The following UTP6 variants were observed in gnomAD, a reference collection of about 807,000 sequenced individuals.
The protein encoded by UTP6 is UTP6 small subunit processome component.
A neutral mutation model predicts 96.5 loss-of-function variants in UTP6; 60 were observed. That is an observed-to-expected ratio of 0.62 (90% confidence interval 0.51 to 0.77). The LOEUF is 0.77. Among genes scored for constraint, UTP6 ranks in the 30% least tolerant of loss-of-function variants. The pLI is 0.00. For missense variants in UTP6, 637 were observed against 706.5 expected (o/e 0.90, Z 1.12); for synonymous variants, 215 against 240.1 (o/e 0.90, Z 0.96).
chr17:31,895,081 A>C, intron 2 of UTP6, 70 bp from the exon 3 acceptor site: 1 of 1,202,418 alleles, frequency 8.3e-7, no homozygotes, highest in South Asian at 1.5e-5. Context: ...CTGGAAATTT[A>C]GTTAAAGTCA....
At chr17:31,900,394 C>T (rs545975877) in intron 1 of UTP6, among the ~76,000 whole-genome samples, 6 of 152,034 alleles carry the variant, frequency 3.9e-5, no homozygotes, top group African/African-American at 1.2e-4. Context: ...CGAGTTCAAG[C>T]GATTCTCCTG....
chr17:31,873,545 C>T, intron 15 of UTP6, 58 bp from the exon 16 acceptor site: 1 of 1,605,554 alleles, frequency 6.2e-7, no homozygotes, highest in Non-Finnish European at 8.5e-7. Context: ...GATACCAAAA[C>T]AGATTTTCCC....
chr17:31,886,095 G>A (rs1178254845), intron 8 of UTP6, 34 bp from the exon 9 acceptor site: 8 of 1,581,374 alleles, frequency 5.1e-6, no homozygotes, highest in Non-Finnish European at 6.0e-6. Context: ...AACTTAACAG[G>A]TAGTACAAGG....
Position 31,878,314 on chromosome 17 carries a change from G to T in UTP6, c.1061C>A (p.Thr354Asn), listed in dbSNP as rs1349789085. 9 of 1,614,140 alleles carry T rather than the reference G, an allele frequency of 5.6e-6. No individual in the cohort carries two copies. The highest frequency in any genetic ancestry group is 7.6e-6 in the Non-Finnish European group (9 of 1,180,028). Reference protein sequence around the residue: ...GFLRGKRLERTMTVFRKAHEL... With the variant: ...GFLRGKRLERNMTVFRKAHEL... ...ATGTGCCTTCCTGAATACAGTCATGGTTCTTTCCAACCTCTGAAAACAGAA... is the reference window on the plus strand; with the variant it reads ...ATGTGCCTTCCTGAATACAGTCATGTTTCTTTCCAACCTCTGAAAACAGAA... The change falls in exon 13 of 19, where the codon ACC becomes AAC. Residue 354 changes from threonine (T) to asparagine (N), a missense_variant. Coordinates refer to ENST00000261708, the MANE Select transcript of UTP6 (RefSeq NM_018428.3).
chr17:31,887,200 C>T (rs772751364), intron 8 of UTP6, 36 bp downstream of exon 8: 12 of 1,550,402 alleles, frequency 7.7e-6, no homozygotes, highest in Admixed American at 5.0e-5. Flanking sequence ...TGTTATACAT[C>T]GTTAGCAAGT....
chr17:31,872,531 C>A (rs1290996965), intron 16 of UTP6, among the ~76,000 whole-genome samples: 2 of 151,464 alleles, frequency 1.3e-5, no homozygotes, highest in African/African-American at 2.4e-5. Context: ...TTTAAGTTAG[C>A]TGGACATGGT....
Position 31,900,004 on chromosome 17 carries a change from C to T in UTP6, c.93-274G>A, listed in dbSNP as rs775377375. Reference sequence around the variant, plus strand: ...ACTAAAAATACAAAAATTAGCTGGGCGTGGTGGTGCGTGCCTGTAGTCCCA... The same window carrying T: ...ACTAAAAATACAAAAATTAGCTGGGTGTGGTGGTGCGTGCCTGTAGTCCCA... On this transcript the variant is annotated intron_variant, in intron 1 of 18. Coordinates refer to ENST00000261708, the MANE Select transcript of UTP6 (RefSeq NM_018428.3). Among the ~76,000 whole-genome samples, 21 of 151,706 alleles carry T rather than the reference C, an allele frequency of 1.4e-4. 1 individual carries two copies. The highest frequency in any genetic ancestry group is 1.2e-3 in the Admixed American group (18 of 15,242).
intron 12 of UTP6, 111 bp downstream of exon 12, chr17:31,878,591 T>C: frequency 9.1e-7 from 1 of 1,093,066 alleles, no homozygotes; most frequent in South Asian, 1.4e-5. Context: ...AGAGAGTGGC[T>C]AAACATAAAA....
intron 10 of UTP6, among the ~76,000 whole-genome samples, chr17:31,881,680 A>G (rs1228360239): frequency 1.3e-5 from 2 of 152,038 alleles, no homozygotes; most frequent in Admixed American, 1.3e-4. Flanking sequence ...GTGACAACAC[A>G]AGACTCCAAG....
intron 6 of UTP6, 112 bp from the exon 7 acceptor site, chr17:31,889,515 T>C: frequency 1.3e-6 from 1 of 765,278 alleles, no homozygotes. Context: ...TTTTTTTTTT[T>C]TGAGACAGTC....
chr17:31,877,283 AAG>A (rs931834674), intron 13 of UTP6, among the ~76,000 whole-genome samples: 18 of 152,178 alleles, frequency 1.2e-4, no homozygotes, highest in African/African-American at 4.3e-4. Context: ...TTATTTGAAA[AAG>A]AGAAAAAACC....
intron 14 of UTP6, among the ~76,000 whole-genome samples, chr17:31,874,569 T>G (rs1276937189): frequency 6.7e-6 from 1 of 149,026 alleles, no homozygotes; most frequent in Non-Finnish European, 1.5e-5. Context: ...AACCACCAAA[T>G]GAGCAGTAGT....
chr17:31,878,443 T>C (rs1040024812), intron 12 of UTP6, 116 bp from the exon 13 acceptor site: 25 of 1,024,770 alleles, frequency 2.4e-5, no homozygotes, highest in Non-Finnish European at 2.5e-5. Flanking sequence ...GCTGACTTGC[T>C]CCTGCATGGT....
At chr17:31,891,131 T>G (rs566904814) in intron 6 of UTP6, among the ~76,000 whole-genome samples, 1 of 152,350 alleles carries the variant, frequency 6.6e-6, no homozygotes, top group Non-Finnish European at 1.5e-5. Context: ...TCAAGATTGC[T>G]TTTGTTAAAA....
At chr17:31,872,021 C>T (rs978488201) in intron 16 of UTP6, among the ~76,000 whole-genome samples, 1 of 151,828 alleles carries the variant, frequency 6.6e-6, no homozygotes, top group South Asian at 2.1e-4. Flanking sequence ...TGGCAAAAAC[C>T]CTTATCTACT....
At chr17:31,883,742 T>C (rs1910978764) in intron 10 of UTP6, among the ~76,000 whole-genome samples, 1 of 151,838 alleles carries the variant, frequency 6.6e-6, no homozygotes, top group Non-Finnish European at 1.5e-5. Flanking sequence ...AGTGGCAGGA[T>C]CACAGTTCAC....
intron 10 of UTP6, among the ~76,000 whole-genome samples, chr17:31,882,356 C>G (rs1271511174): frequency 7.1e-6 from 1 of 140,784 alleles, no homozygotes; most frequent in Non-Finnish European, 1.5e-5. Context: ...AGAGTCTTCT[C>G]TGTCACCAGG....
Position 31,863,259 on chromosome 17 carries a change from G to A in UTP6, c.*100C>T, listed in dbSNP as rs537036036. The A allele has an allele frequency of 7.4e-6, 9 of 1,216,708 alleles. No individual in the cohort carries two copies. In the South Asian group the frequency reaches 1.3e-4, roughly 18 times the overall value. The allele number at this position is 1,216,708 out of a possible 1,614,324, so 75.4% of individuals were successfully genotyped here. ...TGTCTCAAAACCAGACAGCCATCTTGTCTGCCATCACTGAGCAAATTACAG... is the reference window on the plus strand; with the variant it reads ...TGTCTCAAAACCAGACAGCCATCTTATCTGCCATCACTGAGCAAATTACAG... On this transcript the variant is annotated 3_prime_UTR_variant, in exon 19 of 19. Coordinates refer to ENST00000261708, the MANE Select transcript of UTP6 (RefSeq NM_018428.3).
intron 11 of UTP6, 139 bp from the exon 12 acceptor site, chr17:31,878,920 T>A: frequency 1.4e-6 from 1 of 736,022 alleles, no homozygotes; most frequent in South Asian, 2.0e-5. Context: ...AAGAAGAGTT[T>A]AAATCAGCCT....
Sources: allele counts gnomAD v4.1 joint callset (sites outside exome capture counted in the v4.1 genomes callset), GRCh38; gene constraint gnomAD v4.1.1; transcripts MANE v1.5; gene names NCBI Gene and HGNC (gene_info 2026-07-23, HGNC 2026-07-21).